Variants in TENM3 observed in about 807,000 individuals in gnomAD.
TENM3 encodes teneurin-3.
In TENM3, 63 loss-of-function variants were observed where a neutral mutation model predicts 255.1. The ratio of observed to expected loss-of-function variants is 0.25; its 90% CI spans 0.20 to 0.30. TENM3 has a LOEUF of 0.30. Ranked by LOEUF, TENM3 falls within the 10% of genes least tolerant of loss-of-function variation. The pLI is 1.00. For synonymous variants in TENM3, 1,306 were observed against 1,322.3 expected, an observed-to-expected ratio of 0.99 and a Z score of 0.27; for missense variants, 2,929 against 3,461.1, an observed-to-expected ratio of 0.85 and a Z score of 3.86.
At chr4:182,446,998 C>T (rs771660144) in intron 3 of TENM3, among the ~76,000 whole-genome samples, 1 of 152,052 alleles carries the variant, frequency 6.6e-6, no homozygotes, top group Non-Finnish European at 1.5e-5. Flanking sequence ...TTGCAGTGCC[C>T]AACAACATAC....
At chr4:181,500,736 C>T in the TENM3 span, among the ~76,000 whole-genome samples, 6 of 152,100 alleles carry the variant, frequency 3.9e-5, no homozygotes, top group African/African-American at 9.7e-5. Context: ...ATCGATAATA[C>T]GAGGCAACTA....
chr4:181,742,266 G>T, the TENM3 span, among the ~76,000 whole-genome samples: 1 of 152,042 alleles, frequency 6.6e-6, no homozygotes, highest in Middle Eastern at 3.4e-3. Context: ...CTTCTGAAAA[G>T]TAACAATATA....
At chr4:182,524,647 C>T (rs62337257) in intron 3 of TENM3, among the ~76,000 whole-genome samples, 3,611 of 151,748 alleles carry the variant, frequency 0.024, 49 homozygotes, top group Middle Eastern at 0.041. Context: ...AGACTTGAAC[C>T]GTCACACCCG....
the TENM3 span, among the ~76,000 whole-genome samples, chr4:181,712,702 T>C: frequency 6.6e-6 from 1 of 152,186 alleles, no homozygotes; most frequent in African/African-American, 2.4e-5. Flanking sequence ...GACTGCAGTT[T>C]ATTATACCAA....
chr4:182,112,286 G>C, the TENM3 span, among the ~76,000 whole-genome samples: 1 of 152,116 alleles, frequency 6.6e-6, no homozygotes, highest in Non-Finnish European at 1.5e-5. Flanking sequence ...GAGCTGCCGT[G>C]TTTTCTCTTA....
At chr4:182,090,265 T>G in the TENM3 span, among the ~76,000 whole-genome samples, 1 of 152,220 alleles carries the variant, frequency 6.6e-6, no homozygotes, top group South Asian at 2.1e-4. Context: ...CATGCAAGGC[T>G]GTGCTTTTAC....
chr4:181,527,412 A>G, the TENM3 span, among the ~76,000 whole-genome samples: 1 of 152,120 alleles, frequency 6.6e-6, no homozygotes, highest in Admixed American at 6.6e-5. Flanking sequence ...TTTGTCACCC[A>G]GGCTGGAGTG....
chr4:182,653,900 G>C lies in TENM3; in HGVS notation c.1111+7G>C, dbSNP rs368777500. ...TTACCTTCTGGAGACAATGGTAAGCGAAAGAATTATGTATCCTGTGTTTCT... is the reference window on the plus strand; with the variant it reads ...TTACCTTCTGGAGACAATGGTAAGCCAAAGAATTATGTATCCTGTGTTTCT... On this transcript the variant is annotated splice_region_variant and intron_variant, in intron 6 of 27. Transcript: ENST00000511685. The C allele has an allele frequency of 1.9e-6, 3 of 1,604,310 alleles. No individual in the cohort carries two copies. In the East Asian group the frequency reaches 6.8e-5, roughly 36 times the overall value.
At chr4:182,499,910 A>G (rs957978311) in intron 3 of TENM3, among the ~76,000 whole-genome samples, 1 of 152,246 alleles carries the variant, frequency 6.6e-6, no homozygotes, top group Non-Finnish European at 1.5e-5. Context: ...AGTAAATGTC[A>G]TCATAAAGTA....
the TENM3 span, among the ~76,000 whole-genome samples, chr4:181,704,474 C>G: frequency 4.6e-5 from 7 of 152,202 alleles, no homozygotes; most frequent in African/African-American, 1.7e-4. Flanking sequence ...TATGTCATCT[C>G]TTTCCTCCTC....
Position 182,547,167 on chromosome 4 carries a change from C to T in TENM3, c.512-53757C>T, listed in dbSNP as rs572012418. Reference sequence around the variant, plus strand: ...CGGTAAAACAGAGGCATGGTACAAGCGTTTGTGTTTGCTTTACAAACACGT... The same window carrying T: ...CGGTAAAACAGAGGCATGGTACAAGTGTTTGTGTTTGCTTTACAAACACGT... On this transcript the variant is annotated intron_variant, in intron 3 of 27. Transcript: ENST00000511685. 2.0e-5 allele frequency among the ~76,000 whole-genome samples: 3 copies of T among 152,156 alleles called. No homozygotes were observed. The South Asian group carries it at 6.2e-4, about 32-fold the overall frequency.
chr4:181,554,383 CAGTT>C, the TENM3 span, among the ~76,000 whole-genome samples: 5 of 152,242 alleles, frequency 3.3e-5, no homozygotes, highest in East Asian at 9.7e-4. Context: ...GTAACTCACT[CAGTT>C]AGGCTTCGTC....
At chr4:182,235,038 A>G (rs1454926525) in intron 1 of TENM3, among the ~76,000 whole-genome samples, 1 of 152,090 alleles carries the variant, frequency 6.6e-6, no homozygotes, top group East Asian at 1.9e-4. Flanking sequence ...ACACACATAG[A>G]GGCAGTGAGG....
At chr4:182,065,706 A>G in the TENM3 span, among the ~76,000 whole-genome samples, 1 of 152,196 alleles carries the variant, frequency 6.6e-6, no homozygotes, top group Non-Finnish European at 1.5e-5. Flanking sequence ...ACTTCCCTCC[A>G]GTTTCCTTCC....
intron 2 of TENM3, among the ~76,000 whole-genome samples, chr4:182,342,269 A>G (rs756083224): frequency 1.3e-5 from 2 of 152,242 alleles, no homozygotes; most frequent in Non-Finnish European, 2.9e-5. Flanking sequence ...GATAAATGAT[A>G]GTGTGTCCAT....
chr4:182,191,545 C>A (rs755145771), intron 1 of TENM3, among the ~76,000 whole-genome samples: 2 of 152,086 alleles, frequency 1.3e-5, no homozygotes, highest in Admixed American at 1.3e-4. Context: ...AAACTTAGTG[C>A]GGTTAGTTTT....
chr4:182,200,720 C>T (rs73871819), intron 1 of TENM3, among the ~76,000 whole-genome samples: 4,360 of 152,116 alleles, frequency 0.029, 245 homozygotes, highest in African/African-American at 0.099. Flanking sequence ...GCAAACTGTT[C>T]CTTTCAGTAT....
chr4:181,659,443 G>A, the TENM3 span, among the ~76,000 whole-genome samples: 9 of 152,188 alleles, frequency 5.9e-5, no homozygotes, highest in South Asian at 4.2e-4. Context: ...GACCCTTTCC[G>A]GTAACAATTC....
chr4:181,946,165 T>C, the TENM3 span, among the ~76,000 whole-genome samples: 1 of 152,164 alleles, frequency 6.6e-6, no homozygotes, highest in Admixed American at 6.5e-5. Flanking sequence ...CATACACACA[T>C]GAATATATCT....
Sources: allele counts gnomAD v4.1 joint callset (sites outside exome capture counted in the v4.1 genomes callset), GRCh38; gene constraint gnomAD v4.1.1; transcripts MANE v1.5; gene names NCBI Gene and HGNC (gene_info 2026-07-23, HGNC 2026-07-21).